RYK: variants seen among roughly 807,000 people sequenced by gnomAD.
The protein encoded by RYK is receptor like tyrosine kinase, also known as inactive tyrosine-protein kinase RYK.
A neutral mutation model predicts 70.2 loss-of-function variants in RYK; 21 were observed. That is an observed-to-expected ratio of 0.30 (90% CI 0.21 to 0.43). The LOEUF is 0.43. RYK is among the 20% of genes least tolerant of loss of function. RYK has a pLI of 1.00. For synonymous variants in RYK, 267 were observed against 278.0 expected, an observed-to-expected ratio of 0.96 and a Z score of 0.39; for missense variants, 604 against 753.3, an observed-to-expected ratio of 0.80 and a Z score of 2.32.
Position 134,175,921 on chromosome 3 carries a change from G to A in RYK, c.1415+9C>T, listed in dbSNP as rs368198183. The A allele has an allele frequency of 8.2e-5, 131 of 1,593,202 alleles. 1 individual carries two copies. Among genetic ancestry groups the A allele is most frequent in the Middle Eastern group, 3.6e-4 (2 of 5,620 alleles). On this transcript the variant is annotated intron_variant, in intron 12 of 14. Coordinates refer to ENST00000623711, the MANE Select transcript of RYK (RefSeq NM_002958.4). ...CATCAAGTGACAGCGTCAAGCTCATGGCACCTACACACAGTTCCTGGCAGC... is the reference window on the plus strand; with the variant it reads ...CATCAAGTGACAGCGTCAAGCTCATAGCACCTACACACAGTTCCTGGCAGC...
chr3:134,208,907 G>A (rs1158777248), intron 4 of RYK, among the ~76,000 whole-genome samples: 1 of 151,722 alleles, frequency 6.6e-6, no homozygotes, highest in Non-Finnish European at 1.5e-5. Context: ...GGTTTGCGAG[G>A]TTTTTTTAAA....
chr3:134,207,337 G>A, intron 5 of RYK, 135 bp downstream of exon 5: 1 of 487,212 alleles, frequency 2.1e-6, no homozygotes, highest in South Asian at 4.7e-5. Flanking sequence ...AGTCTACAAA[G>A]CACCAGCAAA....
At chr3:134,221,228 A>C (rs564255006) in intron 2 of RYK, among the ~76,000 whole-genome samples, 1 of 109,066 alleles carries the variant, frequency 9.2e-6, no homozygotes, top group South Asian at 3.0e-4. Flanking sequence ...TTTTTGAGAC[A>C]GAGTCTCACT....
At chr3:134,164,608 T>C (rs2012594934) in intron 13 of RYK, among the ~76,000 whole-genome samples, 1 of 152,252 alleles carries the variant, frequency 6.6e-6, no homozygotes, top group African/African-American at 2.4e-5. Context: ...TTTTATTTAG[T>C]AGTATAGCTC....
intron 1 of RYK, among the ~76,000 whole-genome samples, chr3:134,225,892 G>A (rs2014895329): frequency 6.7e-6 from 1 of 149,048 alleles, no homozygotes. Flanking sequence ...AAAGATCAAA[G>A]GTCACCAAAT....
chr3:134,239,671 C>G (rs2015274993), intron 1 of RYK, among the ~76,000 whole-genome samples: 1 of 152,210 alleles, frequency 6.6e-6, no homozygotes, highest in African/African-American at 2.4e-5. Context: ...ATTTGTTCCA[C>G]TTTTAATGAA....
At chr3:134,221,902 A>G (rs1259709930) in intron 2 of RYK, among the ~76,000 whole-genome samples, 1 of 152,182 alleles carries the variant, frequency 6.6e-6, no homozygotes, top group East Asian at 1.9e-4. Context: ...CAAGTAGCCC[A>G]GGCAAGAGAT....
chr3:134,195,187 AAAC>A lies in RYK; in HGVS notation c.789-8_789-6del. 6.2e-7 allele frequency: 1 copy of A among 1,602,294 alleles called. No homozygotes were observed. The highest frequency in any genetic ancestry group is 8.5e-7 in the Non-Finnish European group (1 of 1,172,512). ...GAACTACTGCTGGCACTAATGCTGC[AAAC>A]AATTTTTGAGAGAAATATTTGACAA... is the stretch of plus-strand genomic sequence containing the variant. On this transcript the variant is annotated splice_region_variant and splice_polypyrimidine_tract_variant and intron_variant, in intron 6 of 14. Transcript: ENST00000623711.
At chr3:134,172,017 A>T (rs202103700) in intron 13 of RYK, among the ~76,000 whole-genome samples, 3 of 152,190 alleles carry the variant, frequency 2.0e-5, no homozygotes, top group East Asian at 1.9e-4. Context: ...AAATTACACG[A>T]AATACTTATA....
At chr3:134,221,136 T>C (rs1426939504) in intron 2 of RYK, among the ~76,000 whole-genome samples, 2 of 150,006 alleles carry the variant, frequency 1.3e-5, no homozygotes, top group African/African-American at 4.9e-5. Context: ...GAAGAAGTTA[T>C]ACCAAACTAT....
intron 5 of RYK, among the ~76,000 whole-genome samples, chr3:134,206,370 A>T (rs1173821637): frequency 1.3e-5 from 2 of 152,230 alleles, no homozygotes; most frequent in Non-Finnish European, 2.9e-5. Flanking sequence ...GAAGATGCAG[A>T]ATGTGGGAAA....
intron 10 of RYK, chr3:134,181,253 A>C (rs529999530): frequency 6.6e-6 from 1 of 152,170 alleles, no homozygotes; most frequent in Non-Finnish European, 1.5e-5. Flanking sequence ...ATAGACCATT[A>C]AGCACTTTCA....
At chr3:134,193,473 A>G (rs1432353117) in intron 7 of RYK, among the ~76,000 whole-genome samples, 2 of 152,204 alleles carry the variant, frequency 1.3e-5, no homozygotes, top group African/African-American at 2.4e-5. Context: ...AAGAGCCACC[A>G]CACCCGGCCC....
At chr3:134,228,850 G>C (rs1372093075) in intron 1 of RYK, among the ~76,000 whole-genome samples, 2 of 152,094 alleles carry the variant, frequency 1.3e-5, no homozygotes, top group Non-Finnish European at 2.9e-5. Flanking sequence ...AGCTAGAAGA[G>C]AGGCTTTTCA....
rs143654544 is a variant in RYK at position 134,206,407 on chromosome 3, T to C, written c.643+1065A>G. Among the ~76,000 whole-genome samples, 848 of 152,334 alleles carry C rather than the reference T, an allele frequency of 5.6e-3. 43 individuals are homozygous for C. Among genetic ancestry groups the C allele is most frequent in the Admixed American group, 0.052 (799 of 15,300 alleles). On this transcript the variant is annotated intron_variant, in intron 5 of 14. Transcript: ENST00000623711. The stretch of plus-strand genomic sequence containing the variant: ...TCTATGGGACAAATGACATAATTTC[T>C]TCAATAAATAAATAATATTAATAAA...
In RYK at chr3:134,250,726, C is replaced by A; in HGVS notation, c.-72G>T. 2 of 768,798 alleles carry A rather than the reference C, an allele frequency of 2.6e-6. No individual in the cohort carries two copies. Among genetic ancestry groups the A allele is most frequent in the Non-Finnish European group, 3.2e-6 (2 of 633,546 alleles). The allele number at this position is 768,798 out of a possible 1,614,324, so 47.6% of individuals were successfully genotyped here. A position where few individuals can be genotyped will look rare whatever the true frequency, so the allele number is the denominator to read the frequency against. ...CCGCCGCCCACCCCCGGCCCCGAGC[C>A]GCTCACAGCCCCGAGCCGGGGGCGG... On this transcript the variant is annotated 5_prime_UTR_variant, in exon 1 of 15. Coordinates refer to ENST00000623711, the MANE Select transcript of RYK (RefSeq NM_002958.4).
At chr3:134,204,591 C>CACA (rs2014143765) in intron 5 of RYK, among the ~76,000 whole-genome samples, 2 of 140,784 alleles carry the variant, frequency 1.4e-5, no homozygotes, top group African/African-American at 2.7e-5. Context: ...ACAGCCACAG[C>CACA]CACACACACA....
At chr3:134,217,217 T>C (rs1409442566) in intron 2 of RYK, among the ~76,000 whole-genome samples, 1 of 152,182 alleles carries the variant, frequency 6.6e-6, no homozygotes, top group Non-Finnish European at 1.5e-5. Context: ...TGGAAGCAAA[T>C]ATTTCATCTT....
Position 134,211,423 on chromosome 3 carries a change from A to G in RYK, c.454+85T>C, listed in dbSNP as rs2014387906. On this transcript the variant is annotated intron_variant, in intron 3 of 14. Transcript: ENST00000623711. ...TTATGCCTATCAAGTAATACACACT[A>G]CACATCAGTAAACTTCTGTTTTGGG... 3.6e-6 allele frequency: 3 copies of G among 825,744 alleles called. No individual in the cohort carries two copies. In the Admixed American group the frequency reaches 7.1e-5, roughly 20 times the overall value. 51.2% of individuals were successfully genotyped at this position (825,744 alleles called of 1,614,324 possible).
Sources: gnomAD v4.1 joint callset for allele counts (sites outside exome capture counted in the v4.1 genomes callset) on GRCh38, gnomAD v4.1.1 for gene constraint, MANE v1.5 for transcripts, NCBI Gene and HGNC (gene_info 2026-07-23, HGNC 2026-07-21) for gene names.